The following LRRC4C variants were observed in gnomAD, a reference collection of about 807,000 sequenced individuals.
The protein encoded by LRRC4C is leucine rich repeat containing 4C.
In LRRC4C, 5 loss-of-function variants were observed where a neutral mutation model predicts 33.6. The observed-to-expected ratio is 0.15, with a 90% confidence interval of 0.08 to 0.31. The LOEUF is 0.31. Among genes scored for constraint, LRRC4C ranks in the 10% least tolerant of loss-of-function variants. LRRC4C has a pLI of 1.00. For missense variants in LRRC4C, 560 were observed against 796.7 expected (o/e 0.70, Z 3.58); for synonymous variants, 329 against 302.0 (o/e 1.09, Z -0.93).
chr11:40,495,924 G>A (rs1316856615), intron 3 of LRRC4C, among the ~76,000 whole-genome samples: 1 of 138,038 alleles, frequency 7.2e-6, no homozygotes, highest in African/African-American at 2.7e-5. Context: ...CCGCCCCCGG[G>A]GTTCAAGCAA....
At chr11:41,445,050 G>A (rs928825842) in intron 1 of LRRC4C, among the ~76,000 whole-genome samples, 1 of 152,144 alleles carries the variant, frequency 6.6e-6, no homozygotes, top group African/African-American at 2.4e-5. Context: ...TGATCCGCCT[G>A]CCTTGGCCTC....
At chr11:40,923,320 GTTAGT>G (rs1285886981) in intron 2 of LRRC4C, among the ~76,000 whole-genome samples, 3 of 152,184 alleles carry the variant, frequency 2.0e-5, no homozygotes, top group Non-Finnish European at 4.4e-5. Context: ...ATGATAATGT[GTTAGT>G]CCTTGTATGA....
Position 40,380,716 on chromosome 11 carries a change from T to C in LRRC4C, c.-269-60995A>G, listed in dbSNP as rs12575246. Among the ~76,000 whole-genome samples, 594 of 152,332 alleles carry C rather than the reference T, an allele frequency of 3.9e-3. 21 individuals carry two copies. The East Asian group carries it at 0.07, about 18-fold the overall frequency. ...GCTGAGATTATCACCAGTGTAAATA[T>C]ATTTAATAATAGTATCTGCTATTCA... On this transcript the variant is annotated intron_variant, in intron 3 of 6. Coordinates refer to ENST00000528697, the MANE Select transcript of LRRC4C (RefSeq NM_001258419.2).
rs747329999 is a variant in LRRC4C, at chr11:40,115,410, G to T, written c.883C>A (p.Arg295=). ...CAAGGGTTGTGATGTAAATGTATCC[G>T]CTCTAGATGATGCAAGGGAGTGAAG... ...DLFTPLHHLE[R]IHLHHNPWNC... Residue 295 remains arginine, a synonymous_variant, in exon 7 of 7, where the codon CGG becomes AGG. Transcript: ENST00000528697. This position sits in a 1 kb window ranked among gnomAD's most constrained non-coding sequence, Gnocchi z 6.7. The T allele has an allele frequency of 1.2e-6, 2 of 1,614,154 alleles. No individual in the cohort carries two copies. Among genetic ancestry groups the T allele is most frequent in the Non-Finnish European group, 1.7e-6 (2 of 1,180,030 alleles).
intron 6 of LRRC4C, among the ~76,000 whole-genome samples, chr11:40,121,086 T>A (rs1402241073): frequency 1.3e-5 from 2 of 152,164 alleles, no homozygotes; most frequent in Non-Finnish European, 2.9e-5. Flanking sequence ...TCCTATTTTT[T>A]AAGACAGGAG....
intron 4 of LRRC4C, among the ~76,000 whole-genome samples, chr11:40,272,525 A>G (rs1343647621): frequency 6.6e-6 from 1 of 152,122 alleles, no homozygotes; most frequent in Non-Finnish European, 1.5e-5. Flanking sequence ...AATTACATGC[A>G]TGAAGGAGAG....
chr11:40,771,418 G>A (rs908726728), intron 2 of LRRC4C, among the ~76,000 whole-genome samples: 1 of 152,160 alleles, frequency 6.6e-6, no homozygotes, highest in African/African-American at 2.4e-5. Flanking sequence ...TCCCTCCTAG[G>A]GCTCTGGGCC....
chr11:40,390,677 G>A (rs1949299711), intron 3 of LRRC4C, among the ~76,000 whole-genome samples: 1 of 152,090 alleles, frequency 6.6e-6, no homozygotes, highest in African/African-American at 2.4e-5. Context: ...TAAGGAAACT[G>A]CAGAAGTTTC....
In LRRC4C at chr11:40,164,920, T is replaced by C. The variant is rs1590588450; in HGVS notation, c.-95-24067A>G. 4.6e-5 allele frequency among the ~76,000 whole-genome samples: 7 copies of C among 152,306 alleles called. No homozygotes were observed. In the South Asian group the frequency reaches 1.4e-3, roughly 32 times the overall value. On this transcript the variant is annotated intron_variant, in intron 5 of 6. Transcript: ENST00000528697. ...AGTTTATTTAAACAGAAGTTTAAAA[T>C]TGACATCCATCTGGTAACTAAGCTC...
chr11:40,614,669 C>T (rs1039969893), intron 3 of LRRC4C, among the ~76,000 whole-genome samples: 4 of 151,598 alleles, frequency 2.6e-5, no homozygotes, highest in African/African-American at 9.7e-5. Context: ...TAATCATTTC[C>T]AGTTTCTGAC....
At chr11:40,774,008 T>C (rs558005306) in intron 2 of LRRC4C, among the ~76,000 whole-genome samples, 65 of 152,258 alleles carry the variant, frequency 4.3e-4, no homozygotes, top group African/African-American at 1.5e-3. Context: ...GCAATCACTC[T>C]GATTCTCTCC....
chr11:40,438,038 C>T (rs1323646948), intron 3 of LRRC4C, among the ~76,000 whole-genome samples: 1 of 152,172 alleles, frequency 6.6e-6, no homozygotes, highest in African/African-American at 2.4e-5. Flanking sequence ...AGGCAATGCC[C>T]TTGAAGTGAC....
At chr11:40,550,299 T>C (rs962295286) in intron 3 of LRRC4C, among the ~76,000 whole-genome samples, 1 of 152,176 alleles carries the variant, frequency 6.6e-6, no homozygotes, top group Non-Finnish European at 1.5e-5. Flanking sequence ...ATTCCTTTGA[T>C]TTGGAGGTTT....
intron 4 of LRRC4C, among the ~76,000 whole-genome samples, chr11:40,308,215 T>C (rs1945131745): frequency 6.6e-6 from 1 of 152,062 alleles, no homozygotes; most frequent in African/African-American, 2.4e-5. Context: ...CACATACAGT[T>C]GTTTGCTATG....
chr11:40,825,684 G>T (rs997584576), intron 2 of LRRC4C, among the ~76,000 whole-genome samples: 2 of 151,738 alleles, frequency 1.3e-5, no homozygotes, highest in African/African-American at 4.8e-5. Flanking sequence ...TTCCTTCAGA[G>T]AATAGTAGAG....
intron 3 of LRRC4C, among the ~76,000 whole-genome samples, chr11:40,417,513 T>A (rs966870624): frequency 1.3e-5 from 2 of 151,796 alleles, no homozygotes; most frequent in African/African-American, 4.8e-5. Context: ...TTATTTTTTT[T>A]TTGTTTTTAG....
intron 4 of LRRC4C, among the ~76,000 whole-genome samples, chr11:40,276,781 TG>T (rs1368708936): frequency 3.3e-5 from 5 of 151,780 alleles, no homozygotes; most frequent in African/African-American, 1.2e-4. Flanking sequence ...TGCTGTTTTG[TG>T]CCTGTCTTCC....
Position 40,116,331 on chromosome 11 carries a change from C to T in LRRC4C, c.-39G>A. 3 of 1,537,638 alleles carry T rather than the reference C, an allele frequency of 2.0e-6. No homozygotes were observed. The highest frequency in any genetic ancestry group is 2.6e-6 in the Non-Finnish European group (3 of 1,143,272). ...GGTGTTGGTCCTTCTGGAATTCAAA[C>T]AGTCTGCAAAATACAAGCAAAAAAA... On this transcript the variant is annotated 5_prime_UTR_variant, in exon 7 of 7. Transcript: ENST00000528697.
chr11:40,969,796 A>AATATTTGCT (rs1435137346), intron 1 of LRRC4C, among the ~76,000 whole-genome samples: 1 of 152,212 alleles, frequency 6.6e-6, no homozygotes, highest in Non-Finnish European at 1.5e-5. Context: ...CCATTATTGC[A>AATATTTGCT]ATATTTGCTT....
Sources: allele counts gnomAD v4.1 joint callset (sites outside exome capture counted in the v4.1 genomes callset), GRCh38; gene constraint gnomAD v4.1.1; non-coding constraint Gnocchi (gnomAD v3.1); transcripts MANE v1.5; gene names NCBI Gene and HGNC (gene_info 2026-07-23, HGNC 2026-07-21).